NAF1: variants seen among roughly 807,000 people sequenced by gnomAD.
NAF1 encodes the protein H/ACA ribonucleoprotein complex non-core subunit NAF1.
In NAF1, 11 loss-of-function variants were observed where a neutral mutation model predicts 40.6. The ratio of observed to expected loss-of-function variants is 0.27; its 90% CI spans 0.17 to 0.45. NAF1 has a LOEUF of 0.45. Among genes scored for constraint, NAF1 ranks in the 20% least tolerant of loss-of-function variants. NAF1 has a pLI of 1.00. For missense variants in NAF1, 607 were observed against 611.1 expected (o/e 0.99, Z 0.07); for synonymous variants, 260 against 228.5 (o/e 1.14, Z -1.24).
At chr4:163,120,534 A>T (rs906812195) in intron 2 of NAF1, among the ~76,000 whole-genome samples, 4 of 152,220 alleles carry the variant, frequency 2.6e-5, no homozygotes, top group Non-Finnish European at 5.9e-5. Flanking sequence ...AAGATATGCA[A>T]TGTAAAATTT....
chr4:163,110,026 C>T (rs2110788833), downstream of NAF1: 3 of 404,322 alleles, frequency 7.4e-6, no homozygotes, highest in East Asian at 7.1e-5. Context: ...TGTGAGGTAG[C>T]ATCCTGCCCT....
downstream of NAF1, among the ~76,000 whole-genome samples, chr4:163,107,017 C>T (rs751172676): frequency 6.6e-6 from 1 of 151,240 alleles, no homozygotes; most frequent in Non-Finnish European, 1.5e-5. Context: ...GATGGAGTCT[C>T]GCTCTGTCAG....
downstream of NAF1, chr4:163,126,804 T>C: frequency 1.2e-6 from 1 of 801,182 alleles, no homozygotes; most frequent in East Asian, 3.3e-5. Context: ...TAGGAGAAAC[T>C]GCCACTTTTA....
intron 2 of NAF1, among the ~76,000 whole-genome samples, chr4:163,113,781 T>C (rs1730240506): frequency 6.6e-6 from 1 of 152,262 alleles, no homozygotes; most frequent in African/African-American, 2.4e-5. Flanking sequence ...ATAATGTTTA[T>C]TGCAGCAACT....
chr4:163,142,426 T>C (rs985095639), intron 4 of NAF1, among the ~76,000 whole-genome samples: 1 of 152,228 alleles, frequency 6.6e-6, no homozygotes, highest in African/African-American at 2.4e-5. Flanking sequence ...ATCCATTTCC[T>C]AAGTGTGAAA....
At chr4:163,154,387 G>A (rs1387192605) in intron 2 of NAF1, among the ~76,000 whole-genome samples, 3 of 152,156 alleles carry the variant, frequency 2.0e-5, no homozygotes, top group Non-Finnish European at 4.4e-5. Flanking sequence ...AAACTAAATA[G>A]TATATACAAA....
intron 2 of NAF1, among the ~76,000 whole-genome samples, chr4:163,163,730 A>G (rs1413137007): frequency 6.6e-6 from 1 of 152,158 alleles, no homozygotes; most frequent in African/African-American, 2.4e-5. Flanking sequence ...AAAAACTTCA[A>G]TAGGAATCCT....
downstream of NAF1, among the ~76,000 whole-genome samples, chr4:163,127,860 AATGT>A (rs1276229270): frequency 6.6e-6 from 1 of 152,206 alleles, no homozygotes; most frequent in African/African-American, 2.4e-5. Context: ...TGTGTAAAGG[AATGT>A]AAGATTGGGA....
intron 6 of NAF1, among the ~76,000 whole-genome samples, chr4:163,136,800 A>G (rs1450003418): frequency 6.6e-6 from 1 of 152,182 alleles, no homozygotes; most frequent in Non-Finnish European, 1.5e-5. Flanking sequence ...CTTCCAAAAG[A>G]AGGACAGCTA....
chr4:163,148,069 G>C (rs1363393534), intron 3 of NAF1, among the ~76,000 whole-genome samples: 4 of 151,972 alleles, frequency 2.6e-5, no homozygotes, highest in African/African-American at 9.7e-5. Context: ...CAGTAATTTG[G>C]TATAGCAACA....
At chr4:163,108,701 T>C (rs1464232547), downstream of NAF1, 1 of 152,196 alleles carries the variant, frequency 6.6e-6, no homozygotes, top group East Asian at 1.9e-4. Flanking sequence ...AAGAGTAACA[T>C]ATTATTCTTA....
intron 2 of NAF1, among the ~76,000 whole-genome samples, chr4:163,113,849 G>A (rs534684458): frequency 6.6e-6 from 1 of 152,196 alleles, no homozygotes; most frequent in Non-Finnish European, 1.5e-5. Flanking sequence ...GTTATTGCAT[G>A]CCATGGACTA....
intron 2 of NAF1, among the ~76,000 whole-genome samples, chr4:163,156,599 TATTAC>T (rs1002930009): frequency 1.3e-5 from 2 of 152,258 alleles, no homozygotes; most frequent in African/African-American, 4.8e-5. Context: ...TAGAAAGCTC[TATTAC>T]ACAGCACTGC....
chr4:163,154,024 G>A (rs997681994), intron 2 of NAF1, among the ~76,000 whole-genome samples: 15 of 151,962 alleles, frequency 9.9e-5, no homozygotes, highest in African/African-American at 2.7e-4. Context: ...AACACTCACC[G>A]CGAAGGTCTG....
At chr4:163,143,483 A>G (rs1253143105) in intron 4 of NAF1, among the ~76,000 whole-genome samples, 1 of 152,240 alleles carries the variant, frequency 6.6e-6, no homozygotes, top group African/African-American at 2.4e-5. Flanking sequence ...CTGGAGGTGC[A>G]CAGACAATAC....
intron 2 of NAF1, among the ~76,000 whole-genome samples, chr4:163,162,239 C>T (rs1732256629): frequency 6.6e-6 from 1 of 152,206 alleles, no homozygotes; most frequent in African/African-American, 2.4e-5. Context: ...TATACACTAT[C>T]CTTAGTACTC....
intron 2 of NAF1, chr4:163,110,360 A>T: frequency 1.5e-6 from 1 of 671,738 alleles, no homozygotes; most frequent in Non-Finnish European, 2.7e-6. Context: ...TGTTACTACA[A>T]AATATTGTTA....
Position 163,111,966 on chromosome 4 carries a change from T to A in NAF1, c.115-1676A>T, listed in dbSNP as rs73864534. Among the ~76,000 whole-genome samples the A allele has an allele frequency of 2.9e-3, 447 of 152,178 alleles. 1 individual carries two copies. Among genetic ancestry groups the A allele is most frequent in the African/African-American group, 0.01 (436 of 41,528 alleles). On this transcript the variant is annotated intron_variant, in intron 2 of 2. Coordinates refer to the NAF1 transcript ENST00000509434. The stretch of plus-strand genomic sequence containing the variant: ...TCATAGTTTGCACTGTAAAAGCCAT[T>A]GATGACTTTGAAAAGGGCAGTTTCC...
At chr4:163,133,487 A>G (rs912100252) in intron 6 of NAF1, 1 of 395,352 alleles carries the variant, frequency 2.5e-6, no homozygotes. Flanking sequence ...CAGCCTTCAG[A>G]TATGAGTCTG....
Sources: gnomAD v4.1 joint callset for allele counts (sites outside exome capture counted in the v4.1 genomes callset) on GRCh38, gnomAD v4.1.1 for gene constraint, MANE v1.5 for transcripts, NCBI Gene and HGNC (gene_info 2026-07-23, HGNC 2026-07-21) for gene names.